Variants in SNORD118 observed in about 807,000 individuals in gnomAD.
SNORD118 encodes small nucleolar RNA, C/D box 118.
At position 8,173,480 on chromosome 17, in the gene SNORD118, C is replaced by T. The variant is rs201784335; in HGVS notation, n.108G>A. Reference sequence around the variant, plus strand: ...TCAGACAGGAGCAATCAGGGTGTTGCAAGTCCTGATTACGCAGAGACGTTA... The same window carrying T: ...TCAGACAGGAGCAATCAGGGTGTTGTAAGTCCTGATTACGCAGAGACGTTA... On this transcript the variant is annotated non_coding_transcript_exon_variant, in exon 1 of 1. Transcript: ENST00000363593. 8.9e-5 allele frequency: 68 copies of T among 764,862 alleles called. No individual in the cohort carries two copies. Among genetic ancestry groups the T allele is most frequent in the South Asian group, 4.3e-4 (32 of 74,574 alleles). 47.4% of individuals were successfully genotyped at this position (764,862 alleles called of 1,614,324 possible).
At chr17:8,173,568 A>C (rs762247263) in exon 1 of SNORD118, 3 of 765,072 alleles carry the variant, frequency 3.9e-6, no homozygotes, top group South Asian at 1.3e-5. Context: ...GGAACAGGTA[A>C]GGATTATCCC....
Position 8,173,487 on chromosome 17 carries a change from TG to T in SNORD118, n.100del, listed in dbSNP as rs1310413509. The T allele has an allele frequency of 6.5e-6, 5 of 764,978 alleles. No individual in the cohort carries two copies. The African/African-American group carries it at 8.5e-5, about 13-fold the overall frequency. 47.4% of individuals were successfully genotyped at this position (764,978 alleles called of 1,614,324 possible). A position where few individuals can be genotyped will look rare whatever the true frequency, so the allele number is the denominator to read the frequency against. The stretch of plus-strand genomic sequence containing the variant: ...GGAGCAATCAGGGTGTTGCAAGTCC[TG>T]ATTACGCAGAGACGTTAATCACGTT... On this transcript the variant is annotated non_coding_transcript_exon_variant, in exon 1 of 1. Coordinates refer to ENST00000363593, the Ensembl canonical transcript of SNORD118.
chr17:8,173,550 C>A lies in SNORD118; in HGVS notation n.38G>T, dbSNP rs200458465. On this transcript the variant is annotated non_coding_transcript_exon_variant, in exon 1 of 1. Transcript: ENST00000363593. ...CAATCATCATGTTCTAATCTGCCCT[C>A]CGGAGGAGGAACAGGTAAGGATTAT... 3 of 765,358 alleles carry A rather than the reference C, an allele frequency of 3.9e-6. No individual in the cohort carries two copies. The highest frequency in any genetic ancestry group is 2.7e-5 in the South Asian group (2 of 74,616). The allele number at this position is 765,358 out of a possible 1,614,324, so 47.4% of individuals were successfully genotyped here.
At position 8,173,482 on chromosome 17, in the gene SNORD118, A is replaced by G. The variant is rs377598768; in HGVS notation, n.106T>C. The G allele has an allele frequency of 4.1e-4, 315 of 765,006 alleles. 3 individuals carry two copies. Among genetic ancestry groups the G allele is most frequent in the South Asian group, 2.8e-3 (206 of 74,578 alleles). 47.4% of individuals were successfully genotyped at this position (765,006 alleles called of 1,614,324 possible). ...AGACAGGAGCAATCAGGGTGTTGCA[A>G]GTCCTGATTACGCAGAGACGTTAAT... On this transcript the variant is annotated non_coding_transcript_exon_variant, in exon 1 of 1. Transcript: ENST00000363593.
Position 8,173,509 on chromosome 17 carries a change from A to C in SNORD118, n.79T>G, listed in dbSNP as rs374183932. 108 of 765,254 alleles carry C rather than the reference A, an allele frequency of 1.4e-4. No homozygotes were observed. The highest frequency in any genetic ancestry group is 2.5e-4 in the Non-Finnish European group (103 of 418,046). The allele number at this position is 765,254 out of a possible 1,614,324, so 47.4% of individuals were successfully genotyped here. On this transcript the variant is annotated non_coding_transcript_exon_variant, in exon 1 of 1. Coordinates refer to ENST00000363593, the Ensembl canonical transcript of SNORD118. ...TCCTGATTACGCAGAGACGTTAATCACGTTTCATGCATCTCCAATCATCAT... is the reference window on the plus strand; with the variant it reads ...TCCTGATTACGCAGAGACGTTAATCCCGTTTCATGCATCTCCAATCATCAT...
chr17:8,173,495 C>G (rs908661294), exon 1 of SNORD118: 7 of 765,036 alleles, frequency 9.1e-6, no homozygotes, highest in African/African-American at 5.1e-5. Flanking sequence ...CCTGATTACG[C>G]AGAGACGTTA....
At position 8,173,583 on chromosome 17, in the gene SNORD118, G is replaced by A. The variant is rs374740618; in HGVS notation, n.5C>T. On this transcript the variant is annotated non_coding_transcript_exon_variant, in exon 1 of 1. Transcript: ENST00000363593. ...GGAACAGGTAAGGATTATCCCACCT[G>A]ACGATACAGACAAACAGCCGACATT... The A allele has an allele frequency of 1.8e-4, 137 of 764,294 alleles. 1 individual carries two copies. Among genetic ancestry groups the A allele is most frequent in the South Asian group, 6.2e-4 (46 of 74,480 alleles). The allele number at this position is 764,294 out of a possible 1,614,324, so 47.3% of individuals were successfully genotyped here. A position where few individuals can be genotyped will look rare whatever the true frequency, so the allele number is the denominator to read the frequency against.
Position 8,173,522 on chromosome 17 carries a change from C to T in SNORD118, n.66G>A, listed in dbSNP as rs572834319. On this transcript the variant is annotated non_coding_transcript_exon_variant, in exon 1 of 1. Coordinates refer to ENST00000363593, the Ensembl canonical transcript of SNORD118. ...GAGACGTTAATCACGTTTCATGCAT[C>T]TCCAATCATCATGTTCTAATCTGCC... 1.6e-4 allele frequency: 126 copies of T among 765,388 alleles called. No homozygotes were observed. The highest frequency in any genetic ancestry group is 2.3e-4 in the Middle Eastern group (1 of 4,392). The allele number at this position is 765,388 out of a possible 1,614,324, so 47.4% of individuals were successfully genotyped here.
At position 8,173,536 on chromosome 17, in the gene SNORD118, T is replaced by C. The variant is rs772145329; in HGVS notation, n.52A>G. ...GTTTCATGCATCTCCAATCATCATG[T>C]TCTAATCTGCCCTCCGGAGGAGGAA... On this transcript the variant is annotated non_coding_transcript_exon_variant, in exon 1 of 1. Transcript: ENST00000363593. The C allele has an allele frequency of 5.1e-5, 39 of 765,424 alleles. No individual in the cohort carries two copies. Among genetic ancestry groups the C allele is most frequent in the East Asian group, 2.7e-4 (11 of 41,250 alleles). 47.4% of individuals were successfully genotyped at this position (765,424 alleles called of 1,614,324 possible). A position where few individuals can be genotyped will look rare whatever the true frequency, so the allele number is the denominator to read the frequency against.
At chr17:8,173,528 T>G in exon 1 of SNORD118, 1 of 765,400 alleles carries the variant, frequency 1.3e-6, no homozygotes. Flanking sequence ...GCATCTCCAA[T>G]CATCATGTTC....
chr17:8,173,505 A>C lies in SNORD118; in HGVS notation n.83T>G, dbSNP rs1052538151. 2 of 765,304 alleles carry C rather than the reference A, an allele frequency of 2.6e-6. No homozygotes were observed. Among genetic ancestry groups the C allele is most frequent in the African/African-American group, 3.4e-5 (2 of 59,236 alleles). 47.4% of individuals were successfully genotyped at this position (765,304 alleles called of 1,614,324 possible). A position where few individuals can be genotyped will look rare whatever the true frequency, so the allele number is the denominator to read the frequency against. ...CAAGTCCTGATTACGCAGAGACGTT[A>C]ATCACGTTTCATGCATCTCCAATCA... On this transcript the variant is annotated non_coding_transcript_exon_variant, in exon 1 of 1. Transcript: ENST00000363593.
Position 8,173,458 on chromosome 17 carries a change from G to T in SNORD118, n.130C>A, listed in dbSNP as rs746503581. 1.3e-6 allele frequency: 1 copy of T among 764,000 alleles called. No individual in the cohort carries two copies. 47.3% of individuals were successfully genotyped at this position (764,000 alleles called of 1,614,324 possible). On this transcript the variant is annotated non_coding_transcript_exon_variant, in exon 1 of 1. Transcript: ENST00000363593. ...TGTAAGTGATCGTCAGAAAGAATCA[G>T]ACAGGAGCAATCAGGGTGTTGCAAG...
exon 1 of SNORD118, chr17:8,173,557 A>G (rs1193846277): frequency 1.2e-5 from 9 of 765,284 alleles, no homozygotes; most frequent in South Asian, 6.7e-5. Flanking sequence ...CCTCCGGAGG[A>G]GGAACAGGTA....
rs181334320 is a variant in SNORD118, at chr17:8,173,473, G to A, written n.115C>T. ...GAAAGAATCAGACAGGAGCAATCAG[G>A]GTGTTGCAAGTCCTGATTACGCAGA... On this transcript the variant is annotated non_coding_transcript_exon_variant, in exon 1 of 1. Transcript: ENST00000363593. The A allele has an allele frequency of 3.5e-3, 2,647 of 764,556 alleles. 8 individuals carry two copies. The highest frequency in any genetic ancestry group is 4.1e-3 in the Non-Finnish European group (1,704 of 417,890). The allele number at this position is 764,556 out of a possible 1,614,324, so 47.4% of individuals were successfully genotyped here. A position where few individuals can be genotyped will look rare whatever the true frequency, so the allele number is the denominator to read the frequency against.
chr17:8,173,565 G>GT (rs1555525651), exon 1 of SNORD118: 4 of 765,266 alleles, frequency 5.2e-6, no homozygotes, highest in Non-Finnish European at 9.6e-6. Context: ...GGAGGAACAG[G>GT]TAAGGATTAT....
rs201558321 is a variant in SNORD118, at chr17:8,173,517, T to A, written n.71A>T. 2 of 765,396 alleles carry A rather than the reference T, an allele frequency of 2.6e-6. No individual in the cohort carries two copies. Among genetic ancestry groups the A allele is most frequent in the Non-Finnish European group, 4.8e-6 (2 of 418,028 alleles). 47.4% of individuals were successfully genotyped at this position (765,396 alleles called of 1,614,324 possible). ...ACGCAGAGACGTTAATCACGTTTCATGCATCTCCAATCATCATGTTCTAAT... is the reference window on the plus strand; with the variant it reads ...ACGCAGAGACGTTAATCACGTTTCAAGCATCTCCAATCATCATGTTCTAAT... On this transcript the variant is annotated non_coding_transcript_exon_variant, in exon 1 of 1. Coordinates refer to ENST00000363593, the Ensembl canonical transcript of SNORD118.
chr17:8,173,560 A>T (rs762339276), exon 1 of SNORD118: 6 of 765,264 alleles, frequency 7.8e-6, no homozygotes, highest in Non-Finnish European at 1.2e-5. Context: ...CCGGAGGAGG[A>T]ACAGGTAAGG....
At chr17:8,173,562 C>G (rs185052658) in exon 1 of SNORD118, 80 of 765,308 alleles carry the variant, frequency 1.0e-4, no homozygotes, top group South Asian at 3.6e-4. Flanking sequence ...GGAGGAGGAA[C>G]AGGTAAGGAT....
At chr17:8,173,571 A>G (rs1476705853) in exon 1 of SNORD118, 5 of 764,868 alleles carry the variant, frequency 6.5e-6, no homozygotes, top group African/African-American at 1.7e-5. Context: ...ACAGGTAAGG[A>G]TTATCCCACC....
Sources: allele counts gnomAD v4.1 joint callset, GRCh38; gene constraint gnomAD v4.1.1; transcripts MANE v1.5; gene names NCBI Gene and HGNC (gene_info 2026-07-23, HGNC 2026-07-21).